The following DNAH17 variants were observed in gnomAD, a reference collection of about 807,000 sequenced individuals.
DNAH17 encodes axonemal beta dynein heavy chain 17.
A neutral mutation model predicts 485.6 loss-of-function variants in DNAH17; 376 were observed. That is an observed-to-expected ratio of 0.77 (90% CI 0.71 to 0.84). The LOEUF is 0.84. Ranked by LOEUF, DNAH17 falls within the 40% of genes least tolerant of loss-of-function variation. The pLI is 0.00. For missense variants in DNAH17, 6,370 were observed against 5,839.3 expected, an observed-to-expected ratio of 1.09 and a Z score of -2.96; for synonymous variants, 3,031 against 2,405.9, an observed-to-expected ratio of 1.26 and a Z score of -7.60.
At chr17:78,450,928 C>T (rs1046877978) in intron 66 of DNAH17, 82 bp from the exon 67 acceptor site, 4 of 1,547,588 alleles carry the variant, frequency 2.6e-6, no homozygotes, top group African/African-American at 2.7e-5. Context: ...GGCCATGTAG[C>T]TGAGCCAAGG....
At position 78,543,672 on chromosome 17, in the gene DNAH17, G is replaced by A. The variant is rs76044963; in HGVS notation, c.2532+185C>T. The A allele has an allele frequency of 0.088, 74,280 of 846,412 alleles. 5,529 individuals are homozygous for A. Among genetic ancestry groups the A allele is most frequent in the African/African-American group, 0.24 (14,287 of 60,132 alleles). 52.4% of individuals were successfully genotyped at this position (846,412 alleles called of 1,614,324 possible). Reference sequence around the variant, plus strand: ...TCTCCTGACATTAGGTGATCCGCCCGACTCAGCCTCCCAGAGTGCTGGGAT... The same window carrying A: ...TCTCCTGACATTAGGTGATCCGCCCAACTCAGCCTCCCAGAGTGCTGGGAT... On this transcript the variant is annotated intron_variant, in intron 17 of 80. Coordinates refer to ENST00000389840, the MANE Select transcript of DNAH17 (RefSeq NM_173628.4).
At chr17:78,574,626 G>A (rs2092407727) in intron 2 of DNAH17, 87 bp downstream of exon 2, 3 of 1,190,142 alleles carry the variant, frequency 2.5e-6, no homozygotes, top group Non-Finnish European at 3.5e-6. Flanking sequence ...CTGGCCCAGG[G>A]ACTCCAGGCT....
Position 78,494,055 on chromosome 17 carries a change from G to T in DNAH17, c.6389C>A (p.Ala2130Glu). 1 of 1,612,352 alleles carries T rather than the reference G, an allele frequency of 6.2e-7. No homozygotes were observed. The highest frequency in any genetic ancestry group is 8.5e-7 in the Non-Finnish European group (1 of 1,179,592). ...VRHSVFIVGNAGSGKSQVLKS... is the reference protein window; with the variant it reads ...VRHSVFIVGNEGSGKSQVLKS... ...ACACACCTGAGATTTGCCGCTGCCC[G>T]CATTCCCGACGATGAACACGGAGTG... Residue 2130 changes from alanine (A) to glutamate (E), a missense_variant, in exon 41 of 81, where the codon GCG (alanine) becomes GAG (glutamate). By Grantham distance (107) the Ala-to-Glu change is moderately radical. Transcript: ENST00000389840.
intron 62 of DNAH17, among the ~76,000 whole-genome samples, chr17:78,456,192 A>C (rs1301260650): frequency 6.6e-6 from 1 of 152,164 alleles, no homozygotes; most frequent in Non-Finnish European, 1.5e-5. Flanking sequence ...CCAGCTATTC[A>C]AGAAGCCGAG....
intron 44 of DNAH17, among the ~76,000 whole-genome samples, chr17:78,486,782 T>C (rs2089629865): frequency 6.6e-6 from 1 of 152,110 alleles, no homozygotes; most frequent in Non-Finnish European, 1.5e-5. Flanking sequence ...TTGGAAGCCA[T>C]TCTTGCTACC....
rs549915789 is a variant in DNAH17, at chr17:78,571,043, A to C, written c.833-10T>G. On this transcript the variant is annotated splice_polypyrimidine_tract_variant and intron_variant, in intron 5 of 80. Transcript: ENST00000389840. ...TTGGCTTCCTTCAGCCCTGCACGGAACAAGAACAAGTGCCCACCGGTAAGA... is the reference window on the plus strand; with the variant it reads ...TTGGCTTCCTTCAGCCCTGCACGGACCAAGAACAAGTGCCCACCGGTAAGA... 2.4e-5 allele frequency: 38 copies of C among 1,563,826 alleles called. No homozygotes were observed. The highest frequency in any genetic ancestry group is 3.0e-5 in the Non-Finnish European group (35 of 1,153,610).
Position 78,566,635 on chromosome 17 carries a change from G to C in DNAH17, c.1548C>G (p.Ser516Arg), listed in dbSNP as rs1309132380. 5.6e-6 allele frequency: 9 copies of C among 1,608,326 alleles called. No individual in the cohort carries two copies. The highest frequency in any genetic ancestry group is 7.6e-6 in the Non-Finnish European group (9 of 1,177,280). ...TIFCQGFDDC[S>R]CIKSSAKLLY... ...TTACCTTTGCGGAGGACTTGATACA[G>C]CTGCAGTCATCAAATCCTTGGCAAA... Residue 516 changes from serine to arginine, a missense_variant, in exon 11 of 81, where the codon AGC becomes AGG. Ser to Arg is a moderately radical substitution (Grantham distance 110). Transcript: ENST00000389840.
chr17:78,568,880 G>A (rs2092309154), intron 9 of DNAH17, among the ~76,000 whole-genome samples: 1 of 152,216 alleles, frequency 6.6e-6, no homozygotes, highest in Non-Finnish European at 1.5e-5. Context: ...TGGCCCCCAG[G>A]CGTCCTGAAC....
intron 9 of DNAH17, 52 bp downstream of exon 9, chr17:78,569,114 G>A: frequency 7.0e-7 from 1 of 1,429,136 alleles, no homozygotes; most frequent in South Asian, 1.2e-5. Context: ...GTGTCCTAGG[G>A]TAGGAGCAGT....
chr17:78,450,626 G>A (rs1302071435), intron 67 of DNAH17, 56 bp downstream of exon 67: 22 of 1,572,946 alleles, frequency 1.4e-5, no homozygotes, highest in Admixed American at 1.1e-4. Flanking sequence ...CCGATCGCCC[G>A]TGGCCCAGCC....
rs186215757 is a variant in DNAH17, at chr17:78,462,891, C to G, written c.9127G>C (p.Glu3043Gln). The stretch of plus-strand genomic sequence containing the variant: ...TTCATCAGGCCGTTCTCCAGCCTCT[C>G]GATTTTGGCAACAAGTTCCGTTCTC... Reference protein sequence around the residue: ...KKRTELVAKIERLENGLMKLQ... With the variant: ...KKRTELVAKIQRLENGLMKLQ... Residue 3043 changes from glutamate (E) to glutamine (Q), a missense_variant, in exon 57 of 81, where the codon GAG becomes CAG. Coordinates refer to ENST00000389840, the MANE Select transcript of DNAH17 (RefSeq NM_173628.4). 1 of 1,613,900 alleles carries G rather than the reference C, an allele frequency of 6.2e-7. No individual in the cohort carries two copies. The highest frequency in any genetic ancestry group is 8.5e-7 in the Non-Finnish European group (1 of 1,179,892).
intron 40 of DNAH17, 118 bp downstream of exon 40, chr17:78,494,475 T>A: frequency 1.7e-6 from 2 of 1,207,964 alleles, no homozygotes; most frequent in Non-Finnish European, 1.2e-6. Context: ...AGAGGTCTCT[T>A]TGTAGCATCG....
At chr17:78,472,151 C>T (rs2088781430) in intron 54 of DNAH17, among the ~76,000 whole-genome samples, 1 of 152,246 alleles carries the variant, frequency 6.6e-6, no homozygotes, top group Non-Finnish European at 1.5e-5. Flanking sequence ...CAGTGCCTTT[C>T]CTTGCCATAG....
intron 55 of DNAH17, among the ~76,000 whole-genome samples, chr17:78,467,962 G>A (rs1489465631): frequency 6.7e-6 from 1 of 149,330 alleles, no homozygotes; most frequent in Non-Finnish European, 1.5e-5. Context: ...AGGTTGCAGT[G>A]AGCTAAGATC....
chr17:78,526,388 G>A (rs1163066231), intron 24 of DNAH17, among the ~76,000 whole-genome samples: 1 of 152,174 alleles, frequency 6.6e-6, no homozygotes, highest in African/African-American at 2.4e-5. Flanking sequence ...CTGAGCCGTG[G>A]GCCTGGAGCC....
At chr17:78,465,326 G>C (rs1184481260) in intron 56 of DNAH17, among the ~76,000 whole-genome samples, 1 of 151,928 alleles carries the variant, frequency 6.6e-6, no homozygotes, top group Non-Finnish European at 1.5e-5. Context: ...AAGGTGCCGA[G>C]ATTGCAGCCT....
At chr17:78,573,069 T>C (rs968749234) in intron 2 of DNAH17, among the ~76,000 whole-genome samples, 175 bp from the exon 3 acceptor site, 4 of 152,070 alleles carry the variant, frequency 2.6e-5, no homozygotes, top group African/African-American at 9.7e-5. Flanking sequence ...TCTGGAGCCC[T>C]GGGAAAACTG....
chr17:78,426,408 C>T (rs372931947), intron 79 of DNAH17, 49 bp downstream of exon 79: 8 of 1,524,218 alleles, frequency 5.2e-6, no homozygotes, highest in Non-Finnish European at 6.2e-6. Context: ...GAGCTCTGGG[C>T]ACTCGGTCCC....
At chr17:78,556,341 C>T (rs1357932720) in intron 14 of DNAH17, among the ~76,000 whole-genome samples, 1 of 152,202 alleles carries the variant, frequency 6.6e-6, no homozygotes, top group Non-Finnish European at 1.5e-5. Flanking sequence ...CTGGAAAAGA[C>T]AAGGAGACAG....
Sources: gnomAD v4.1 joint callset for allele counts (sites outside exome capture counted in the v4.1 genomes callset) on GRCh38, gnomAD v4.1.1 for gene constraint, MANE v1.5 for transcripts, NCBI Gene and HGNC (gene_info 2026-07-23, HGNC 2026-07-21) for gene names.